Variants in CRK observed in about 807,000 individuals in gnomAD.
CRK encodes CRK proto-oncogene, adaptor protein.
Under a neutral mutation model 29.8 loss-of-function variants are expected in CRK, and 4 were observed. That is an observed-to-expected ratio of 0.13 (90% confidence interval 0.07 to 0.31). The LOEUF (loss-of-function observed/expected upper bound fraction) is 0.31. CRK is among the 10% of genes least tolerant of loss of function. The pLI is 1.00. For synonymous variants in CRK, 153 were observed against 164.9 expected, an observed-to-expected ratio of 0.93 and a Z score of 0.55; for missense variants, 274 against 396.5, an observed-to-expected ratio of 0.69 and a Z score of 2.62.
chr17:1,445,980 G>C (rs7211038), intron 1 of CRK, among the ~76,000 whole-genome samples: 23,125 of 152,172 alleles, frequency 0.15, 2,220 homozygotes, highest in South Asian at 0.32. Context: ...GGCCAGGATG[G>C]TCTTGATCTC....
At position 1,444,696 on chromosome 17, in the gene CRK, T is replaced by TAGTG. The variant is rs1224146105; in HGVS notation, c.242-7542_242-7541insCACT. On this transcript the variant is annotated intron_variant, in intron 1 of 2. Transcript: ENST00000300574. ...AAAAAAATACAAAATTAGCCAGGCG[T>TAGTG]GAGTCTCATGCCTGTAATCCCAGCT... 6.7e-5 allele frequency among the ~76,000 whole-genome samples: 10 copies of TAGTG among 149,796 alleles called. No individual in the cohort carries two copies. The Admixed American group carries it at 6.7e-4, about 10-fold the overall frequency.
intron 2 of CRK, among the ~76,000 whole-genome samples, chr17:1,436,334 C>G (rs533586851): frequency 6.6e-6 from 1 of 152,136 alleles, no homozygotes; most frequent in African/African-American, 2.4e-5. Flanking sequence ...TGAGGAAAAA[C>G]ATTTGAGGTT....
chr17:1,436,581 C>A, intron 2 of CRK, 39 bp downstream of exon 2: 2 of 1,554,322 alleles, frequency 1.3e-6, no homozygotes, highest in South Asian at 1.3e-5. Flanking sequence ...GGAGACCCTG[C>A]AGCAGATCTC....
chr17:1,439,664 C>T (rs924970230), intron 1 of CRK, among the ~76,000 whole-genome samples: 11 of 151,872 alleles, frequency 7.2e-5, no homozygotes, highest in African/African-American at 2.2e-4. Flanking sequence ...ACCCGGGCAA[C>T]ATGGCTGTCA....
intron 1 of CRK, among the ~76,000 whole-genome samples, chr17:1,445,041 G>T (rs1009811814): frequency 6.6e-6 from 1 of 151,686 alleles, no homozygotes; most frequent in Non-Finnish European, 1.5e-5. Flanking sequence ...CCAGCTACTC[G>T]GGAGGCTGAG....
rs144160790 is a variant in CRK, at chr17:1,440,505, C to T, written c.242-3350G>A. 4.5e-4 allele frequency among the ~76,000 whole-genome samples: 68 copies of T among 151,932 alleles called. 1 individual carries two copies. The East Asian group carries it at 0.013, about 28-fold the overall frequency. ...AAATGTTTGAAAAAAAATGACTGGG[C>T]ACAGTGGTTTACGTCTGTAATCCCA... is the stretch of plus-strand genomic sequence containing the variant. On this transcript the variant is annotated intron_variant, in intron 1 of 2. Transcript: ENST00000300574.
At chr17:1,426,042 G>A (rs77938049) in intron 2 of CRK, among the ~76,000 whole-genome samples, 10,646 of 151,518 alleles carry the variant, frequency 0.07, 455 homozygotes, top group East Asian at 0.1. Flanking sequence ...AATTTAAAAA[G>A]CCAAGTGTGG....
chr17:1,437,105 G>C lies in CRK; in HGVS notation c.292C>G (p.Pro98Ala). The C allele has an allele frequency of 6.2e-7, 1 of 1,613,978 alleles. No homozygotes were observed. The highest frequency in any genetic ancestry group is 1.1e-5 in the South Asian group (1 of 91,040). ...ATTTTGTAGAATTCCAGTAAAGCAG[G>C]CAATGAATCAAACTCTTGATCTCCT... The part of the protein sequence containing the change: ...RIGDQEFDSL[P>A]ALLEFYKIHY... Residue 98 changes from proline (P) to alanine (A), a missense_variant, in exon 2 of 3, where the codon CCT becomes GCT. By Grantham distance (27) the Pro-to-Ala change is conservative (BLOSUM62 -1). Coordinates refer to ENST00000300574, the MANE Select transcript of CRK (RefSeq NM_016823.4).
chr17:1,449,894 C>A (rs1052774607), intron 1 of CRK, among the ~76,000 whole-genome samples: 1 of 152,120 alleles, frequency 6.6e-6, no homozygotes, highest in Admixed American at 6.5e-5. Context: ...CATTCTGTAC[C>A]CATGCCTTTA....
chr17:1,430,649 G>GT (rs1171160063), intron 2 of CRK, among the ~76,000 whole-genome samples: 1 of 151,356 alleles, frequency 6.6e-6, no homozygotes, highest in Non-Finnish European at 1.5e-5. Flanking sequence ...ACAGGCGTGA[G>GT]CCACCACACC....
At chr17:1,424,964 A>G (rs2073763595) in intron 2 of CRK, 1 of 152,000 alleles carries the variant, frequency 6.6e-6, no homozygotes, top group African/African-American at 2.4e-5. Flanking sequence ...CAGTGAGCCG[A>G]GATCACATCA....
At chr17:1,451,784 G>A (rs2150914726) in intron 1 of CRK, among the ~76,000 whole-genome samples, 1 of 151,778 alleles carries the variant, frequency 6.6e-6, no homozygotes, top group Non-Finnish European at 1.5e-5. Context: ...TTCGAGACCA[G>A]CCTGGCCAAC....
chr17:1,452,468 T>C (rs980095040), intron 1 of CRK, among the ~76,000 whole-genome samples: 1 of 152,102 alleles, frequency 6.6e-6, no homozygotes, highest in African/African-American at 2.4e-5. Context: ...TACTTGAGAT[T>C]TGTGAGGTAC....
intron 1 of CRK, among the ~76,000 whole-genome samples, chr17:1,453,413 A>C (rs1227293084): frequency 6.6e-6 from 1 of 152,234 alleles, no homozygotes; most frequent in African/African-American, 2.4e-5. Flanking sequence ...AGTGAGTTTC[A>C]ATGACAGTTT....
Position 1,456,059 on chromosome 17 carries a change from C to T in CRK, c.59G>A (p.Arg20Gln). Residue 20 changes from arginine (R) to glutamine (Q), a missense_variant, in exon 1 of 3, where the codon CGG becomes CAG. By Grantham distance (43) the Arg-to-Gln change is conservative (BLOSUM62 1). Around this residue, in one of 3 missense-constraint regions of CRK, gnomAD observed 135 missense variants for 180.9 expected, o/e 0.75. Transcript: ENST00000300574. ...CTGCAGCAGCGCCACCGCCTCCTGC[C>T]GACTCAACCTCCCCCAGTACCAGCT... The part of the protein sequence containing the change: ...RSSWYWGRLS[R>Q]QEAVALLQGQ... The T allele has an allele frequency of 6.3e-7, 1 of 1,593,396 alleles. No homozygotes were observed. Among genetic ancestry groups the T allele is most frequent in the Non-Finnish European group, 8.5e-7 (1 of 1,172,028 alleles).
At chr17:1,430,929 G>A (rs547758598) in intron 2 of CRK, among the ~76,000 whole-genome samples, 14 of 151,878 alleles carry the variant, frequency 9.2e-5, no homozygotes, top group South Asian at 2.1e-4. Flanking sequence ...TTAACCGGGC[G>A]TGGTAGCAGG....
intron 1 of CRK, among the ~76,000 whole-genome samples, chr17:1,450,988 C>T (rs1403068322): frequency 1.3e-5 from 2 of 151,700 alleles, no homozygotes; most frequent in Admixed American, 6.6e-5. Flanking sequence ...GTCAGGAGAT[C>T]GAGACCATCC....
At position 1,456,112 on chromosome 17, in the gene CRK, C is replaced by T. The variant is rs376305931; in HGVS notation, c.6G>A (p.Ala2=). The T allele has an allele frequency of 6.5e-6, 10 of 1,543,222 alleles. No individual in the cohort carries two copies. The highest frequency in any genetic ancestry group is 1.4e-5 in the African/African-American group (1 of 70,242). M[A]GNFDSEERSS... The stretch of plus-strand genomic sequence containing the variant: ...TCCGCTCCTCCGAGTCGAAGTTGCC[C>T]GCCATGGCTGCCTCCGCGCCTAAAC... Residue 2 remains alanine (A), a synonymous_variant, in exon 1 of 3, where the codon GCG becomes GCA. Transcript: ENST00000300574.
At chr17:1,448,093 G>A (rs2073988680) in intron 1 of CRK, among the ~76,000 whole-genome samples, 3 of 151,952 alleles carry the variant, frequency 2.0e-5, no homozygotes, top group Admixed American at 2.0e-4. Flanking sequence ...AGTGAGCAGA[G>A]ATCGCGCCAC....
Sources: allele counts gnomAD v4.1 joint callset (sites outside exome capture counted in the v4.1 genomes callset), GRCh38; gene constraint gnomAD v4.1.1; regional missense constraint gnomAD v4.1.1; transcripts MANE v1.5; gene names NCBI Gene and HGNC (gene_info 2026-07-23, HGNC 2026-07-21).